The following GLUD1 variants were observed in gnomAD, a reference collection of about 807,000 sequenced individuals.
GLUD1 encodes the protein glutamate dehydrogenase 1, mitochondrial.
GLUD1 carries 22 observed loss-of-function variants against 56.0 expected under a neutral mutation model. The ratio of observed to expected loss-of-function variants is 0.39; its 90% confidence interval spans 0.28 to 0.56. The LOEUF is 0.56. GLUD1 is among the 20% of genes least tolerant of loss of function. The pLI, the probability that GLUD1 is intolerant of heterozygous loss-of-function variation, is 0.58. For synonymous variants in GLUD1, 223 were observed against 269.9 expected (o/e 0.83, Z 1.70); for missense variants, 451 against 732.0 (o/e 0.62, Z 4.43).
rs769870145 is a variant in GLUD1, at chr10:87,053,352, C to A, written c.1547G>T (p.Arg516Leu). The change falls in exon 12 of 13, where the codon CGT (arginine) becomes CTT (leucine). Residue 516 changes from arginine (R) to leucine (L), a missense_variant. By Grantham distance (102) the Arg-to-Leu change is moderately radical (BLOSUM62 -2). Around this residue, in one of 4 missense-constraint regions of GLUD1, gnomAD observed 43 missense variants for 61.6 expected, o/e 0.70. Coordinates refer to ENST00000277865, the MANE Select transcript of GLUD1 (RefSeq NM_005271.5). ...VHSGLAYTME[R>L]SARQIMRTAM... is the part of the protein sequence containing the mutation. ...CATCTGCACACATACCCTGGCAGAA[C>A]GCTCCATTGTGTATGCCAAGCCAGA... 2 of 1,608,332 alleles carry A rather than the reference C, an allele frequency of 1.2e-6. No individual in the cohort carries two copies. The highest frequency in any genetic ancestry group is 1.7e-6 in the Non-Finnish European group (2 of 1,174,744).
rs1298724403 is a variant in GLUD1 at position 87,062,848 on chromosome 10, GT to G, written c.742-14del. On this transcript the variant is annotated splice_polypyrimidine_tract_variant and intron_variant, in intron 5 of 12. Coordinates refer to ENST00000277865, the MANE Select transcript of GLUD1 (RefSeq NM_005271.5). The stretch of plus-strand genomic sequence containing the variant: ...GTGCATTAATATCCTGTAAGAGGGG[GT>G]AATTGAAAGAATGAAATGTCAAGTC... 2 of 1,611,066 alleles carry G rather than the reference GT, an allele frequency of 1.2e-6. No individual in the cohort carries two copies. Among genetic ancestry groups the G allele is most frequent in the Non-Finnish European group, 1.7e-6 (2 of 1,177,322 alleles).
At chr10:87,081,947 AAAAAAAAAAAAAAAAAG>A (rs1276858659) in intron 1 of GLUD1, among the ~76,000 whole-genome samples, 1 of 47,768 alleles carries the variant, frequency 2.1e-5, no homozygotes, top group African/African-American at 2.0e-4. Flanking sequence ...TGATCAATAC[AAAAAAAAAAAAAAAAAG>A]AAAAAAAAAA....
chr10:87,069,752 G>A (rs1478442794), intron 4 of GLUD1, among the ~76,000 whole-genome samples: 1 of 152,076 alleles, frequency 6.6e-6, no homozygotes, highest in Non-Finnish European at 1.5e-5. Flanking sequence ...AAATGGTCAA[G>A]GATCGCTTTT....
intron 1 of GLUD1, among the ~76,000 whole-genome samples, chr10:87,077,160 A>C (rs575284905): frequency 9.1e-4 from 139 of 152,124 alleles, no homozygotes; most frequent in Non-Finnish European, 1.5e-3. Context: ...ACAAGTGCAC[A>C]CCACCATGCC....
Position 87,094,173 on chromosome 10 carries a change from G to A in GLUD1, c.445+152C>T. On this transcript the variant is annotated intron_variant, in intron 1 of 12. Transcript: ENST00000277865. This position sits in a 1 kb window ranked among gnomAD's most constrained non-coding sequence, Gnocchi z 6.6. ...GGAAAAATCACCATCCACAGAGCCG[G>A]CCACATCCGAGGCGGGGTGACCCGG... 7.2e-7 allele frequency: 1 copy of A among 1,392,690 alleles called. No homozygotes were observed. The highest frequency in any genetic ancestry group is 9.5e-7 in the Non-Finnish European group (1 of 1,049,060). 86.3% of individuals were successfully genotyped at this position (1,392,690 alleles called of 1,614,324 possible).
Position 87,094,803 on chromosome 10 carries a change from C to T in GLUD1, c.-34G>A, listed in dbSNP as rs777468241. On this transcript the variant is annotated 5_prime_UTR_variant, in exon 1 of 13. Coordinates refer to ENST00000277865, the MANE Select transcript of GLUD1 (RefSeq NM_005271.5). The surrounding 1 kb of genome is among the most constrained non-coding windows in gnomAD (Gnocchi z 6.6). ...GCGGAGGGGAGGTGCGTGATGGTCG[C>T]GAAACAGGCGCGCTTTCTCAGACTC... is the stretch of plus-strand genomic sequence containing the variant. 3.4e-6 allele frequency: 5 copies of T among 1,491,940 alleles called. No homozygotes were observed. Among genetic ancestry groups the T allele is most frequent in the Middle Eastern group, 2.1e-4 (1 of 4,682 alleles). The allele number at this position is 1,491,940 out of a possible 1,614,324, so 92.4% of individuals were successfully genotyped here.
Position 87,094,761 on chromosome 10 carries a change from G to A in GLUD1, c.9C>T (p.Arg3=). The A allele has an allele frequency of 2.0e-6, 3 of 1,537,936 alleles. No individual in the cohort carries two copies. The highest frequency in any genetic ancestry group is 1.2e-5 in the South Asian group (1 of 85,584). Residue 3 remains arginine (R), a synonymous_variant, in exon 1 of 13, where the codon CGC becomes CGT. Transcript: ENST00000277865. This position sits in a 1 kb window ranked among gnomAD's most constrained non-coding sequence, Gnocchi z 6.6. MY[R]YLGEALLLSR... ...ACAGCAACAGCGCTTCGCCCAGGTAGCGGTACATGGCCACAAGCGGAGGGG... is the reference window on the plus strand; with the variant it reads ...ACAGCAACAGCGCTTCGCCCAGGTAACGGTACATGGCCACAAGCGGAGGGG...
intron 5 of GLUD1, among the ~76,000 whole-genome samples, chr10:87,064,781 C>T (rs1168457781): frequency 2.6e-5 from 4 of 152,096 alleles, no homozygotes; most frequent in Admixed American, 2.0e-4. Context: ...AAATGCAAAC[C>T]GAGTGCCAAA....
chr10:87,092,518 T>C (rs564590262), intron 1 of GLUD1: 3 of 326,222 alleles, frequency 9.2e-6, no homozygotes, highest in Non-Finnish European at 1.3e-5. Flanking sequence ...GCTGACCCAA[T>C]TTGTTGCTAG....
chr10:87,063,298 C>A (rs1410305390), intron 5 of GLUD1, among the ~76,000 whole-genome samples: 1 of 152,012 alleles, frequency 6.6e-6, no homozygotes, highest in Non-Finnish European at 1.5e-5. Flanking sequence ...GTCTCAAACT[C>A]CTGACCTCAA....
At chr10:87,056,747 C>G (rs771116810) in intron 11 of GLUD1, among the ~76,000 whole-genome samples, 8 of 152,056 alleles carry the variant, frequency 5.3e-5, no homozygotes, top group Non-Finnish European at 1.0e-4. Flanking sequence ...CTGCACCAAT[C>G]TACACCGTCA....
At chr10:87,077,692 T>C (rs1302153777) in intron 1 of GLUD1, among the ~76,000 whole-genome samples, 3 of 151,988 alleles carry the variant, frequency 2.0e-5, no homozygotes, top group Non-Finnish European at 4.4e-5. Flanking sequence ...TCCACCTTTC[T>C]TTCTCTATAA....
intron 12 of GLUD1, among the ~76,000 whole-genome samples, chr10:87,052,760 C>T (rs1436863457): frequency 5.3e-5 from 8 of 150,464 alleles, no homozygotes; most frequent in Non-Finnish European, 8.8e-5. Context: ...TAAAGGATGC[C>T]GAATTTAATA....
rs760817479 is a variant in GLUD1 at position 87,094,575 on chromosome 10, G to A, written c.195C>T (p.Asn65=). 1.8e-5 allele frequency: 29 copies of A among 1,611,660 alleles called. No individual in the cohort carries two copies. The African/African-American group carries it at 3.5e-4, about 19-fold the overall frequency. ...AGAAGCCCTCCACCATCTTGAAGAA[G>A]TTGGGGTCGTCCTCGCGGTCGGCCA... ...EAVADREDDP[N]FFKMVEGFFD... Residue 65 remains asparagine, a synonymous_variant, in exon 1 of 13, where the codon AAC becomes AAT. Transcript: ENST00000277865. The surrounding 1 kb of genome is among the most constrained non-coding windows in gnomAD (Gnocchi z 6.6).
chr10:87,075,908 T>G, intron 3 of GLUD1, 60 bp downstream of exon 3: 1 of 1,160,780 alleles, frequency 8.6e-7, no homozygotes. Flanking sequence ...AGGAAGACTC[T>G]GTCTCAGAAA....
At chr10:87,084,544 C>G (rs1345761973) in intron 1 of GLUD1, among the ~76,000 whole-genome samples, 1 of 84,892 alleles carries the variant, frequency 1.2e-5, no homozygotes, top group Admixed American at 1.4e-4. Context: ...TTTCCTTTTC[C>G]TAGCTGACTC....
chr10:87,078,120 G>A (rs1046267953), intron 1 of GLUD1, among the ~76,000 whole-genome samples: 14 of 152,086 alleles, frequency 9.2e-5, no homozygotes, highest in African/African-American at 3.4e-4. Context: ...CATATTCTAA[G>A]CTGAACATAC....
intron 1 of GLUD1, among the ~76,000 whole-genome samples, chr10:87,093,228 A>G (rs1841569412): frequency 6.6e-6 from 1 of 152,262 alleles, no homozygotes; most frequent in Non-Finnish European, 1.5e-5. Flanking sequence ...AACCAGGTTT[A>G]CTGAGACATG....
chr10:87,078,228 A>G (rs111770726), intron 1 of GLUD1, among the ~76,000 whole-genome samples: 5,021 of 152,292 alleles, frequency 0.033, 284 homozygotes, highest in African/African-American at 0.11. Context: ...AAATAAATGT[A>G]GTCATTATTA....
Sources: gnomAD v4.1 joint callset for allele counts (sites outside exome capture counted in the v4.1 genomes callset) on GRCh38, gnomAD v4.1.1 for gene constraint, gnomAD v4.1.1 regional missense constraint, Gnocchi (gnomAD v3.1) non-coding constraint, MANE v1.5 for transcripts, NCBI Gene and HGNC (gene_info 2026-07-23, HGNC 2026-07-21) for gene names.